The following IFNGR2 variants were observed in gnomAD, a reference collection of about 807,000 sequenced individuals.
IFNGR2 encodes the protein interferon gamma receptor 2.
Under a neutral mutation model 41.1 loss-of-function variants are expected in IFNGR2, and 15 were observed. The ratio of observed to expected loss-of-function variants is 0.37; its 90% CI spans 0.24 to 0.56. IFNGR2 has a LOEUF of 0.56. Ranked by LOEUF, IFNGR2 falls within the 20% of genes least tolerant of loss-of-function variation. The probability of loss-of-function intolerance (pLI) is 0.81; values close to 1 mark genes in which losing one functional copy is unlikely to be tolerated. For missense variants in IFNGR2, 362 were observed against 415.7 expected (o/e 0.87, Z 1.12); for synonymous variants, 161 against 171.6 (o/e 0.94, Z 0.48).
At chr21:33,431,401 T>A (rs2083885825) in intron 4 of IFNGR2, among the ~76,000 whole-genome samples, 1 of 152,056 alleles carries the variant, frequency 6.6e-6, no homozygotes, top group African/African-American at 2.4e-5. Context: ...GAAACCCTGT[T>A]TCTACTAAAA....
Position 33,406,951 on chromosome 21 carries a change from G to A in IFNGR2, c.73+3335G>A, listed in dbSNP as rs569127442. Among the ~76,000 whole-genome samples, 12 of 152,088 alleles carry A rather than the reference G, an allele frequency of 7.9e-5. No individual in the cohort carries two copies. The East Asian group carries it at 1.5e-3, about 20-fold the overall frequency. On this transcript the variant is annotated intron_variant, in intron 1 of 6. Coordinates refer to ENST00000290219, the MANE Select transcript of IFNGR2 (RefSeq NM_005534.4). ...GATGTGAACCACCCAGCCTGGCTCC[G>A]GAAACAGATTTTTTAAAGGGAGACA...
At chr21:33,424,579 A>G (rs2834215) in intron 3 of IFNGR2, among the ~76,000 whole-genome samples, 68,596 of 151,804 alleles carry the variant, frequency 0.45, 16,651 homozygotes, top group Non-Finnish European at 0.55. Flanking sequence ...TTTACCAAGC[A>G]GAGGAGTGAG....
intron 6 of IFNGR2, among the ~76,000 whole-genome samples, chr21:33,433,221 A>G (rs866152068): frequency 1.2e-4 from 19 of 152,146 alleles, no homozygotes; most frequent in Middle Eastern, 6.8e-3. Context: ...TCAGGGCCCC[A>G]CTGCCCCTGG....
At chr21:33,416,925 CTT>C (rs554788768) in intron 2 of IFNGR2, among the ~76,000 whole-genome samples, 20 of 128,194 alleles carry the variant, frequency 1.6e-4, no homozygotes, top group Non-Finnish European at 1.7e-4. Context: ...TTTTCTTTTT[CTT>C]TTTTTTTTTT....
chr21:33,430,975 A>G (rs2083880985), intron 4 of IFNGR2, among the ~76,000 whole-genome samples: 3 of 152,034 alleles, frequency 2.0e-5, no homozygotes, highest in South Asian at 2.1e-4. Context: ...CCACTTTGGT[A>G]TGGGACAATG....
At chr21:33,432,687 C>T (rs1252021781) in intron 5 of IFNGR2, 27 bp from the exon 6 acceptor site, 2 of 1,611,962 alleles carry the variant, frequency 1.2e-6, no homozygotes, top group Admixed American at 3.3e-5. Context: ...GAAGATCATT[C>T]TGTTCACTTT....
At chr21:33,425,729 C>G (rs369274121) in intron 3 of IFNGR2, among the ~76,000 whole-genome samples, 8 of 152,302 alleles carry the variant, frequency 5.3e-5, no homozygotes, top group African/African-American at 1.9e-4. Context: ...GTTGTCTGGA[C>G]TTAGCACCTC....
intron 1 of IFNGR2, chr21:33,411,009 A>G (rs1292399276): frequency 2.5e-6 from 2 of 785,574 alleles, no homozygotes; most frequent in Non-Finnish European, 4.4e-6. Context: ...GGCCTGGAAC[A>G]CAGAGGCTGG....
intron 1 of IFNGR2, among the ~76,000 whole-genome samples, chr21:33,408,911 G>T (rs1424898086): frequency 6.6e-6 from 1 of 152,178 alleles, no homozygotes; most frequent in African/African-American, 2.4e-5. Context: ...AGGTGTGGTG[G>T]CTCACGCCTG....
intron 1 of IFNGR2, chr21:33,410,913 T>C (rs1340481755): frequency 2.7e-6 from 4 of 1,492,222 alleles, no homozygotes; most frequent in Non-Finnish European, 3.7e-6. Context: ...AGTATCTGGG[T>C]GTAACCTGTA....
rs562378714 is a variant in IFNGR2, at chr21:33,435,827, G to A, written c.880-1001G>A. Among the ~76,000 whole-genome samples the A allele has an allele frequency of 4.2e-4, 59 of 140,704 alleles. No individual in the cohort carries two copies. In the South Asian group the frequency reaches 0.013, roughly 31 times the overall value. 92.3% of individuals were successfully genotyped at this position (140,704 alleles called of 152,430 possible). On this transcript the variant is annotated intron_variant, in intron 6 of 6. Transcript: ENST00000290219. ...GAACCCAGGAGGCGGAGGCTGCAGT[G>A]AGCTGAGATCCACGCCACTGCACTC...
chr21:33,423,563 C>T (rs1034219952), intron 3 of IFNGR2, among the ~76,000 whole-genome samples: 1 of 151,448 alleles, frequency 6.6e-6, no homozygotes, highest in Admixed American at 6.6e-5. Context: ...CCACTATGCC[C>T]GTCTAATTTT....
chr21:33,410,560 C>T (rs1413712686), intron 1 of IFNGR2, among the ~76,000 whole-genome samples: 4 of 151,874 alleles, frequency 2.6e-5, no homozygotes, highest in Non-Finnish European at 4.4e-5. Context: ...CCTCCACTGC[C>T]GGGTTCAAAT....
intron 3 of IFNGR2, among the ~76,000 whole-genome samples, chr21:33,426,035 C>T (rs1265940942): frequency 6.6e-6 from 1 of 152,236 alleles, no homozygotes; most frequent in Non-Finnish European, 1.5e-5. Flanking sequence ...GATAGCACAT[C>T]ATGAGTCACA....
At chr21:33,420,935 G>A (rs759401911) in intron 2 of IFNGR2, among the ~76,000 whole-genome samples, 9 of 151,972 alleles carry the variant, frequency 5.9e-5, no homozygotes, top group East Asian at 1.9e-4. Context: ...AGTGGCTCAC[G>A]CTTGTAATTT....
intron 6 of IFNGR2, 57 bp from the exon 7 acceptor site, chr21:33,436,771 G>A (rs979055260): frequency 2.2e-6 from 3 of 1,388,946 alleles, no homozygotes; most frequent in Non-Finnish European, 3.0e-6. Context: ...AAAGTTAAAA[G>A]GTCTGGTATA....
Position 33,403,591 on chromosome 21 carries a change from C to A in IFNGR2, c.48C>A (p.Phe16Leu). ...LWSLLLLLGV[F>L]AAAAAAPPDP... ...CGCTGCTGCTGCTGCTCGGAGTCTT[C>A]GCCGCCGCCGCCGCGGCCCCGCCAG... Residue 16 changes from phenylalanine to leucine, a missense_variant, in exon 1 of 7, where the codon TTC becomes TTA. Coordinates refer to ENST00000290219, the MANE Select transcript of IFNGR2 (RefSeq NM_005534.4). 1 of 1,318,652 alleles carries A rather than the reference C, an allele frequency of 7.6e-7. No individual in the cohort carries two copies. Among genetic ancestry groups the A allele is most frequent in the Non-Finnish European group, 9.7e-7 (1 of 1,027,708 alleles). The allele number at this position is 1,318,652 out of a possible 1,614,324, so 81.7% of individuals were successfully genotyped here.
rs553694549 is a variant in IFNGR2 at position 33,403,523 on chromosome 21, C to G, written c.-21C>G. 741 of 1,250,958 alleles carry G rather than the reference C, an allele frequency of 5.9e-4. 5 individuals carry two copies. The East Asian group carries it at 0.028, about 47-fold the overall frequency. The allele number at this position is 1,250,958 out of a possible 1,614,324, so 77.5% of individuals were successfully genotyped here. A position where few individuals can be genotyped will look rare whatever the true frequency, so the allele number is the denominator to read the frequency against. ...GCGGGGCCCCGGCCGCGACCTGAGC[C>G]GCCGCCGAGCGCCCGGGGCCATGCG... On this transcript the variant is annotated 5_prime_UTR_variant, in exon 1 of 7. Transcript: ENST00000290219.
Position 33,403,532 on chromosome 21 carries a change from G to C in IFNGR2, c.-12G>C, listed in dbSNP as rs747873434. 7.9e-7 allele frequency: 1 copy of C among 1,273,136 alleles called. No individual in the cohort carries two copies. The highest frequency in any genetic ancestry group is 2.1e-5 in the South Asian group (1 of 46,676). The allele number at this position is 1,273,136 out of a possible 1,614,324, so 78.9% of individuals were successfully genotyped here. A position where few individuals can be genotyped will look rare whatever the true frequency, so the allele number is the denominator to read the frequency against. On this transcript the variant is annotated 5_prime_UTR_variant, in exon 1 of 7. Transcript: ENST00000290219. ...CGGCCGCGACCTGAGCCGCCGCCGA[G>C]CGCCCGGGGCCATGCGACCGACGCT...
Sources: allele counts gnomAD v4.1 joint callset (sites outside exome capture counted in the v4.1 genomes callset), GRCh38; gene constraint gnomAD v4.1.1; transcripts MANE v1.5; gene names NCBI Gene and HGNC (gene_info 2026-07-23, HGNC 2026-07-21).